The following CFAP119 variants were observed in gnomAD, a reference collection of about 807,000 sequenced individuals.
CFAP119 encodes cilia- and flagella-associated protein 119.
At chr16:30,760,426 C>G in the CFAP119 span, 8 of 1,614,018 alleles carry the variant, frequency 5.0e-6, no homozygotes, top group African/African-American at 2.7e-5. Context: ...GCTCAGGACA[C>G]CCTAGCTCCA....
chr16:30,758,993 G>A, the CFAP119 span: 1 of 1,614,062 alleles, frequency 6.2e-7, no homozygotes, highest in Non-Finnish European at 8.5e-7. Context: ...AGGGCAGCCT[G>A]CCCTCTCCAG....
chr16:30,761,764 T>G, the CFAP119 span: 1 of 1,510,610 alleles, frequency 6.6e-7, no homozygotes, highest in African/African-American at 1.4e-5. Flanking sequence ...CGCTCTTCCG[T>G]GCCGCGAGGC....
chr16:30,761,576 GCTTTCGCCGCCGC>G, the CFAP119 span: 19 of 1,536,034 alleles, frequency 1.2e-5, no homozygotes, highest in Admixed American at 2.0e-5. Context: ...GTCTTCATCC[GCTTTCGCCGCCGC>G]CGCCGTCGTC....
the CFAP119 span, chr16:30,761,531 T>C: frequency 4.6e-6 from 7 of 1,536,122 alleles, no homozygotes; most frequent in South Asian, 7.1e-5. Context: ...CAGACCAGAC[T>C]GTCCCGCCCT....
the CFAP119 span, chr16:30,757,658 C>T: frequency 1.2e-6 from 2 of 1,608,140 alleles, no homozygotes; most frequent in South Asian, 1.1e-5. Flanking sequence ...ATGTGGCCTG[C>T]AGGGGCAGGG....
At chr16:30,760,657 T>C in the CFAP119 span, 19 of 1,549,496 alleles carry the variant, frequency 1.2e-5, no homozygotes, top group Admixed American at 3.3e-4. Context: ...GGAATGGACG[T>C]CCAGGTACTT....
the CFAP119 span, chr16:30,761,727 G>A: frequency 6.5e-7 from 1 of 1,528,232 alleles, no homozygotes; most frequent in African/African-American, 1.4e-5. Context: ...CCCAAAAAGT[G>A]GCTGGTCTTG....
At chr16:30,757,446 C>T in the CFAP119 span, 2 of 1,601,278 alleles carry the variant, frequency 1.2e-6, no homozygotes, top group East Asian at 2.2e-5. Context: ...CCATTCTGGC[C>T]CAGACCTTTA....
chr16:30,760,533 A>G, the CFAP119 span: 2 of 1,604,758 alleles, frequency 1.2e-6, no homozygotes, highest in Non-Finnish European at 1.7e-6. Flanking sequence ...GGAGTCAGCC[A>G]TTCCTCATGT....
the CFAP119 span, chr16:30,761,659 C>T: frequency 6.5e-7 from 1 of 1,535,928 alleles, no homozygotes; most frequent in Non-Finnish European, 8.7e-7. Context: ...AGCTGCGATC[C>T]TTCCCCGCTT....
chr16:30,760,608 C>T, the CFAP119 span: 3 of 1,558,630 alleles, frequency 1.9e-6, no homozygotes, highest in Non-Finnish European at 2.6e-6. Context: ...GTCCCTACTC[C>T]CTCATCTCAG....
the CFAP119 span, chr16:30,760,225 G>A: frequency 6.2e-7 from 1 of 1,612,912 alleles, no homozygotes; most frequent in African/African-American, 1.3e-5. Flanking sequence ...ATGGTCACTT[G>A]TGCCAGGCCC....
At chr16:30,760,075 TCAGAA>T in the CFAP119 span, 2 of 1,534,436 alleles carry the variant, frequency 1.3e-6, no homozygotes, top group Non-Finnish European at 1.7e-6. Flanking sequence ...ATATTATTTC[TCAGAA>T]CAGTCCTGTA....
At chr16:30,761,587 C>A in the CFAP119 span, 10 of 1,536,024 alleles carry the variant, frequency 6.5e-6, no homozygotes, top group South Asian at 1.2e-4. Context: ...CTTTCGCCGC[C>A]GCCGCCGTCG....
At chr16:30,759,384 G>GT in the CFAP119 span, 10 of 1,614,112 alleles carry the variant, frequency 6.2e-6, no homozygotes, top group East Asian at 2.0e-4. Context: ...AGTGGCGGAA[G>GT]TAAGTGTTGA....
At chr16:30,761,865 C>G in the CFAP119 span, 51 of 1,044,590 alleles carry the variant, frequency 4.9e-5, 1 homozygote, top group Admixed American at 5.3e-4. Context: ...TCCGGCCAAT[C>G]TACGCGCGGA....
chr16:30,759,756 C>T, the CFAP119 span: 9 of 1,580,684 alleles, frequency 5.7e-6, no homozygotes, highest in Non-Finnish European at 7.7e-6. Context: ...AGCAGTGAGG[C>T]CCTCTCTGGT....
the CFAP119 span, chr16:30,760,396 G>C: frequency 6.2e-6 from 10 of 1,614,096 alleles, no homozygotes; most frequent in South Asian, 4.4e-5. Context: ...GGTCCAGGGT[G>C]ATGGCGTCCC....
chr16:30,757,720 C>T, the CFAP119 span: 1 of 1,524,684 alleles, frequency 6.6e-7, no homozygotes, highest in South Asian at 1.3e-5. Context: ...GGGATGGTCC[C>T]TAGTTGGGCA....
Sources: gnomAD v4.1 joint callset for allele counts on GRCh38, gnomAD v4.1.1 for gene constraint, MANE v1.5 for transcripts, NCBI Gene and HGNC (gene_info 2026-07-23, HGNC 2026-07-21) for gene names.